The following DOP1B variants were observed in gnomAD, a reference collection of about 807,000 sequenced individuals.
DOP1B encodes protein DOP1B.
DOP1B carries 174 observed loss-of-function variants against 233.5 expected under a neutral mutation model. That is an observed-to-expected ratio of 0.75 (90% CI 0.66 to 0.85). DOP1B has a LOEUF of 0.85. Ranked by LOEUF, DOP1B falls within the 40% of genes least tolerant of loss-of-function variation. The pLI, the probability that DOP1B is intolerant of heterozygous loss-of-function variation, is 0.00. For missense variants in DOP1B, 2,652 were observed against 2,846.6 expected (o/e 0.93, Z 1.56); for synonymous variants, 1,190 against 1,185.6 (o/e 1.00, Z -0.08).
Position 36,246,429 on chromosome 21 carries a change from C to T in DOP1B, c.4449C>T (p.Ser1483=), listed in dbSNP as rs780349215. The T allele has an allele frequency of 3.7e-5, 59 of 1,613,254 alleles. No homozygotes were observed. In the Admixed American group the frequency reaches 5.5e-4, roughly 15 times the overall value. The change falls in exon 19 of 37, where the codon AGC becomes AGT. Residue 1483 remains serine (S), a synonymous_variant. Transcript: ENST00000691173. The surrounding 1 kb of genome is among the most constrained non-coding windows in gnomAD (Gnocchi z 5.1). ...CCCTGAACTTCCAGCAGGCCATCAG[C>T]GCCCTGCAGTACGTGCAGCCCCACC... ...QRALNFQQAI[S]ALQYVQPHPL... is the part of the protein sequence containing the mutation.
At chr21:36,256,790 C>T (rs1256508177) in intron 23 of DOP1B, among the ~76,000 whole-genome samples, 1 of 152,052 alleles carries the variant, frequency 6.6e-6, no homozygotes, top group African/African-American at 2.4e-5. Context: ...TGTGTCCTCA[C>T]TCAACAACAT....
At chr21:36,165,714 G>A (rs1300467716) in intron 2 of DOP1B, among the ~76,000 whole-genome samples, 2 of 140,096 alleles carry the variant, frequency 1.4e-5, no homozygotes, top group Admixed American at 1.6e-4. Flanking sequence ...CTCTTTAGGA[G>A]AATCTTTTTT....
rs534622849 is a variant in DOP1B, at chr21:36,197,706, AC to A, written c.139-1362del. Reference sequence around the variant, plus strand: ...GGAAGGCTGGAGCCGTGCTTGGGAGACCTTTTAAGAAACGTGAACTTGGCCA... The same window carrying A: ...GGAAGGCTGGAGCCGTGCTTGGGAGACTTTTAAGAAACGTGAACTTGGCCA... On this transcript the variant is annotated intron_variant, in intron 2 of 36. Coordinates refer to ENST00000691173, the MANE Select transcript of DOP1B (RefSeq NM_001320714.2). Among the ~76,000 whole-genome samples, 35 of 152,186 alleles carry A rather than the reference AC, an allele frequency of 2.3e-4. No homozygotes were observed. In the South Asian group the frequency reaches 4.6e-3, roughly 20 times the overall value.
chr21:36,200,920 A>G (rs2066357340), intron 4 of DOP1B, among the ~76,000 whole-genome samples: 1 of 151,510 alleles, frequency 6.6e-6, no homozygotes, highest in African/African-American at 2.4e-5. Context: ...TTGCTCTTTC[A>G]CATTTCCTTG....
chr21:36,279,855 C>G (rs1452781934), intron 30 of DOP1B, among the ~76,000 whole-genome samples: 1 of 152,120 alleles, frequency 6.6e-6, no homozygotes, highest in East Asian at 1.9e-4. Flanking sequence ...TATCACTAAC[C>G]TCTTTTCAGA....
chr21:36,223,447 T>C, intron 11 of DOP1B, 97 bp downstream of exon 11: 2 of 1,452,794 alleles, frequency 1.4e-6, no homozygotes, highest in South Asian at 2.7e-5. Context: ...TATAAGTAGC[T>C]GAAGCTGAGT....
intron 12 of DOP1B, among the ~76,000 whole-genome samples, chr21:36,227,009 C>T (rs376123051): frequency 1.4e-3 from 212 of 147,100 alleles, no homozygotes; most frequent in South Asian, 0.014. Context: ...ATTGAGACCA[C>T]CCTGGCTAAC....
intron 2 of DOP1B, among the ~76,000 whole-genome samples, chr21:36,184,469 C>A (rs1417395669): frequency 6.6e-6 from 1 of 152,214 alleles, no homozygotes; most frequent in Non-Finnish European, 1.5e-5. Context: ...TAGGCATGAG[C>A]CACCGTGCCC....
At chr21:36,278,870 A>C (rs1178612738) in intron 30 of DOP1B, among the ~76,000 whole-genome samples, 1 of 151,704 alleles carries the variant, frequency 6.6e-6, no homozygotes, top group South Asian at 2.1e-4. Context: ...ACTCTGTCTC[A>C]AATAAATAAA....
chr21:36,214,136 T>G lies in DOP1B; in HGVS notation c.960T>G (p.Tyr320Ter). The G allele has an allele frequency of 6.2e-7, 1 of 1,614,054 alleles. No homozygotes were observed. Among genetic ancestry groups the G allele is most frequent in the Non-Finnish European group, 8.5e-7 (1 of 1,180,006 alleles). ...CAGAATCTGAAATCTCAAATTCTTA[T>G]GAAGACCAGTCGTCTTATTTTTTTG... is the stretch of plus-strand genomic sequence containing the variant. ...VVPESEISNSYEDQSSYFFEK... is the reference protein window; with the variant it reads ...VVPESEISNS The change falls in exon 8 of 37, where the codon TAT becomes TAG. Residue 320 changes from tyrosine (Y) to a stop codon, truncating the protein, a stop_gained. Coordinates refer to ENST00000691173, the MANE Select transcript of DOP1B (RefSeq NM_001320714.2). LOFTEE classifies it high-confidence loss of function.
chr21:36,271,784 G>A (rs2067292297), intron 27 of DOP1B, among the ~76,000 whole-genome samples: 1 of 151,326 alleles, frequency 6.6e-6, no homozygotes, highest in Admixed American at 6.6e-5. Flanking sequence ...AATCTGTGTG[G>A]GATAAAGATG....
chr21:36,164,656 T>A, intron 1 of DOP1B, 52 bp from the exon 2 acceptor site: 2 of 1,420,874 alleles, frequency 1.4e-6, no homozygotes, highest in East Asian at 5.1e-5. Flanking sequence ...TTGGGAATGA[T>A]TTGTATCCCC....
intron 18 of DOP1B, among the ~76,000 whole-genome samples, chr21:36,243,949 C>T (rs919260565): frequency 1.3e-5 from 2 of 151,602 alleles, no homozygotes; most frequent in African/African-American, 4.8e-5. Flanking sequence ...AAACAATCCT[C>T]CTACCTTGGT....
intron 1 of DOP1B, among the ~76,000 whole-genome samples, chr21:36,160,894 T>C (rs972936289): frequency 2.0e-5 from 3 of 152,170 alleles, no homozygotes; most frequent in Admixed American, 6.5e-5. Context: ...GGGAGAATCA[T>C]TGGGAAGCTC....
chr21:36,183,890 G>A (rs1206411317), intron 2 of DOP1B, among the ~76,000 whole-genome samples: 1 of 148,146 alleles, frequency 6.8e-6, no homozygotes, highest in East Asian at 2.0e-4. Flanking sequence ...TTTAGATGGC[G>A]TCTCACTCTG....
intron 27 of DOP1B, among the ~76,000 whole-genome samples, chr21:36,271,145 A>G (rs1305562625): frequency 1.3e-5 from 2 of 150,946 alleles, no homozygotes; most frequent in African/African-American, 4.9e-5. Context: ...AAAAAAGTTT[A>G]GGCATAGGAA....
intron 2 of DOP1B, among the ~76,000 whole-genome samples, chr21:36,177,055 C>T (rs530070004): frequency 1.2e-4 from 19 of 152,250 alleles, no homozygotes; most frequent in African/African-American, 3.9e-4. Context: ...TCAGGTGATC[C>T]GCCTGCCTCG....
chr21:36,223,859 C>A (rs779097988), intron 11 of DOP1B, among the ~76,000 whole-genome samples: 1 of 152,148 alleles, frequency 6.6e-6, no homozygotes, highest in East Asian at 1.9e-4. Flanking sequence ...CCAGGAATAC[C>A]GAGCTTTCCT....
intron 2 of DOP1B, among the ~76,000 whole-genome samples, chr21:36,165,818 C>T (rs537562741): frequency 5.3e-5 from 8 of 150,672 alleles, no homozygotes; most frequent in Non-Finnish European, 1.0e-4. Flanking sequence ...CAGGTTCAAG[C>T]GATTACTCCT....
Sources: gnomAD v4.1 joint callset for allele counts (sites outside exome capture counted in the v4.1 genomes callset) on GRCh38, gnomAD v4.1.1 for gene constraint, Gnocchi (gnomAD v3.1) non-coding constraint, MANE v1.5 for transcripts, NCBI Gene and HGNC (gene_info 2026-07-23, HGNC 2026-07-21) for gene names.